The following ODAD2 variants were observed in gnomAD, a reference collection of about 807,000 sequenced individuals.
ODAD2 encodes outer dynein arm-docking complex subunit 2.
ODAD2 carries 89 observed loss-of-function variants against 106.8 expected under a neutral mutation model. The observed-to-expected ratio is 0.83, with a 90% CI of 0.70 to 0.99. The LOEUF is 0.99. Ranked by LOEUF, ODAD2 falls within the 50% of genes least tolerant of loss-of-function variation. ODAD2 has a pLI of 0.00. For missense variants in ODAD2, 1,168 were observed against 1,238.5 expected (o/e 0.94, Z 0.85); for synonymous variants, 404 against 436.2 (o/e 0.93, Z 0.92).
chr10:27,842,362 G>A (rs1256679243), intron 19 of ODAD2, among the ~76,000 whole-genome samples: 2 of 152,102 alleles, frequency 1.3e-5, no homozygotes, highest in East Asian at 1.9e-4. Context: ...TTGAAAAAAG[G>A]GTGCCCTTGT....
At chr10:27,960,316 TA>T (rs1848038864) in intron 10 of ODAD2, among the ~76,000 whole-genome samples, 3 of 1,260 alleles carry the variant, frequency 2.4e-3, no homozygotes, top group Non-Finnish European at 4.8e-3. Context: ...TTTATTTCAT[TA>T]TTATTATTAT....
chr10:27,827,410 T>C (rs996499205), intron 19 of ODAD2, among the ~76,000 whole-genome samples: 2 of 121,780 alleles, frequency 1.6e-5, no homozygotes, highest in East Asian at 4.9e-4. Flanking sequence ...TATATATATA[T>C]ATTCCATGTT....
chr10:27,849,357 A>G (rs1839063521), intron 19 of ODAD2, among the ~76,000 whole-genome samples: 1 of 149,246 alleles, frequency 6.7e-6, no homozygotes, highest in African/African-American at 2.5e-5. Context: ...AAAAATGAGA[A>G]CACTTGGACA....
intron 10 of ODAD2, among the ~76,000 whole-genome samples, chr10:27,953,587 A>G (rs1268347719): frequency 2.0e-5 from 3 of 152,350 alleles, no homozygotes; most frequent in East Asian, 1.9e-4. Flanking sequence ...AATGATATAT[A>G]CATTTAATGA....
At chr10:27,895,041 G>GGAA (rs1842776816) in intron 17 of ODAD2, among the ~76,000 whole-genome samples, 1 of 136,314 alleles carries the variant, frequency 7.3e-6, no homozygotes, top group Admixed American at 7.4e-5. Flanking sequence ...TCATCGGTAC[G>GGAA]AAAAAAAAAA....
In ODAD2 at chr10:27,985,219, A is replaced by T; in HGVS notation, c.383-8T>A. 1 of 1,386,294 alleles carries T rather than the reference A, an allele frequency of 7.2e-7. No homozygotes were observed. Among genetic ancestry groups the T allele is most frequent in the Non-Finnish European group, 9.5e-7 (1 of 1,047,958 alleles). The allele number at this position is 1,386,294 out of a possible 1,614,324, so 85.9% of individuals were successfully genotyped here. ...CTATGGGGTCTCTGTTAGCTGCCAAAAAAAAAAAAAAGGAGACAAATAAAA... is the reference window on the plus strand; with the variant it reads ...CTATGGGGTCTCTGTTAGCTGCCAATAAAAAAAAAAAGGAGACAAATAAAA... On this transcript the variant is annotated splice_polypyrimidine_tract_variant and splice_region_variant and intron_variant, in intron 3 of 19. Coordinates refer to ENST00000305242, the MANE Select transcript of ODAD2 (RefSeq NM_018076.5).
intron 19 of ODAD2, among the ~76,000 whole-genome samples, chr10:27,853,960 C>T (rs1232411796): frequency 6.6e-6 from 1 of 152,064 alleles, no homozygotes; most frequent in African/African-American, 2.4e-5. Context: ...GAAAGACTAG[C>T]TACAGACGGG....
chr10:27,860,187 C>T (rs1398220423), intron 19 of ODAD2, among the ~76,000 whole-genome samples: 1 of 152,236 alleles, frequency 6.6e-6, no homozygotes, highest in Non-Finnish European at 1.5e-5. Context: ...CATTGTGACT[C>T]ACTCCTGTAA....
At chr10:27,870,220 T>A (rs1426337595) in intron 17 of ODAD2, among the ~76,000 whole-genome samples, 5 of 152,076 alleles carry the variant, frequency 3.3e-5, no homozygotes, top group African/African-American at 9.7e-5. Context: ...TGGCCCAACC[T>A]CAATCTTTTC....
rs1197448774 is a variant in ODAD2 at position 27,868,181 on chromosome 10, C to G, written c.2611-5559G>C. 2.6e-5 allele frequency among the ~76,000 whole-genome samples: 4 copies of G among 152,020 alleles called. No individual in the cohort carries two copies. In the East Asian group the frequency reaches 5.8e-4, roughly 22 times the overall value. ...CGATCATTAAAAAGTCAAGAAACAA[C>G]ATGCTTGTGAGTCTGTGGAGAAATA... On this transcript the variant is annotated intron_variant, in intron 17 of 19. Coordinates refer to ENST00000305242, the MANE Select transcript of ODAD2 (RefSeq NM_018076.5).
intron 19 of ODAD2, among the ~76,000 whole-genome samples, chr10:27,828,023 A>C (rs1044110049): frequency 6.6e-6 from 1 of 152,200 alleles, no homozygotes; most frequent in African/African-American, 2.4e-5. Flanking sequence ...AGGCCATGAA[A>C]TCATAGAAAC....
chr10:27,959,387 T>G (rs1054063954), intron 10 of ODAD2, among the ~76,000 whole-genome samples: 1 of 151,668 alleles, frequency 6.6e-6, no homozygotes. Flanking sequence ...TTTTTTTCTT[T>G]CCCCCAGATG....
At chr10:27,829,004 C>T (rs1003733381) in intron 19 of ODAD2, among the ~76,000 whole-genome samples, 1 of 151,956 alleles carries the variant, frequency 6.6e-6, no homozygotes, top group Admixed American at 6.6e-5. Flanking sequence ...AAACCAAAGA[C>T]AAGCCAATAT....
chr10:27,872,096 G>C (rs1840944501), intron 17 of ODAD2, among the ~76,000 whole-genome samples: 1 of 152,046 alleles, frequency 6.6e-6, no homozygotes, highest in South Asian at 2.1e-4. Context: ...GGATCCCTAG[G>C]TATTTTATTC....
chr10:27,952,243 C>A (rs1218916244), intron 10 of ODAD2, among the ~76,000 whole-genome samples: 1 of 151,856 alleles, frequency 6.6e-6, no homozygotes, highest in African/African-American at 2.4e-5. Context: ...AAATTGTCAA[C>A]CTCACTAGTA....
At chr10:27,983,732 C>T (rs1849700763) in intron 6 of ODAD2, 111 bp downstream of exon 6, 3 of 1,070,634 alleles carry the variant, frequency 2.8e-6, no homozygotes, top group Non-Finnish European at 4.0e-6. Context: ...CTGCTTCTAT[C>T]CCACAGAATG....
chr10:27,845,797 A>C (rs979116555), intron 19 of ODAD2, among the ~76,000 whole-genome samples: 6 of 152,236 alleles, frequency 3.9e-5, no homozygotes, highest in African/African-American at 1.4e-4. Flanking sequence ...ACAGACTTTT[A>C]AACCAACAAA....
In ODAD2 at chr10:27,944,171, G is replaced by C. The variant is rs1037898572; in HGVS notation, c.1743+51C>G. The C allele has an allele frequency of 2.7e-6, 4 of 1,486,506 alleles. No homozygotes were observed. The African/African-American group carries it at 5.5e-5, about 21-fold the overall frequency. 92.1% of individuals were successfully genotyped at this position (1,486,506 alleles called of 1,614,324 possible). On this transcript the variant is annotated intron_variant, in intron 12 of 19. Transcript: ENST00000305242. The stretch of plus-strand genomic sequence containing the variant: ...GCCAGAAAGGACAGCAAGGAGCTGT[G>C]TGCAGTGGCGGCTGGCACTAGATGA...
At chr10:27,831,699 A>G (rs911728875) in intron 19 of ODAD2, among the ~76,000 whole-genome samples, 1 of 152,176 alleles carries the variant, frequency 6.6e-6, no homozygotes, top group African/African-American at 2.4e-5. Context: ...GCCTGGCCTC[A>G]TTCTTGGATG....
Sources: allele counts gnomAD v4.1 joint callset (sites outside exome capture counted in the v4.1 genomes callset), GRCh38; gene constraint gnomAD v4.1.1; transcripts MANE v1.5; gene names NCBI Gene and HGNC (gene_info 2026-07-23, HGNC 2026-07-21).